DCDC1: variants seen among roughly 807,000 people sequenced by gnomAD.
DCDC1 encodes doublecortin domain-containing protein 1.
In DCDC1, 200 loss-of-function variants were observed where a neutral mutation model predicts 178.3. The observed-to-expected ratio is 1.12, with a 90% CI of 1.00 to 1.26. DCDC1 has a LOEUF of 1.26. Among genes scored for constraint, DCDC1 ranks in the 50% most tolerant of loss-of-function variants. The pLI is 0.00. For missense variants in DCDC1, 1,983 were observed against 1,749.2 expected, an observed-to-expected ratio of 1.13 and a Z score of -2.38; for synonymous variants, 690 against 604.8, an observed-to-expected ratio of 1.14 and a Z score of -2.07.
intron 38 of DCDC1, among the ~76,000 whole-genome samples, chr11:30,875,473 G>T (rs1942031144): frequency 6.6e-6 from 1 of 151,894 alleles, no homozygotes; most frequent in South Asian, 2.1e-4. Context: ...GAATAACGCA[G>T]ATTTGTGTGT....
intron 20 of DCDC1, among the ~76,000 whole-genome samples, chr11:30,990,926 A>C (rs1462558690): frequency 6.6e-6 from 1 of 152,202 alleles, no homozygotes; most frequent in Non-Finnish European, 1.5e-5. Context: ...AGTAGCCTTG[A>C]AATTATGCAA....
chr11:30,870,323 T>C (rs887729693), intron 38 of DCDC1, among the ~76,000 whole-genome samples: 2 of 152,060 alleles, frequency 1.3e-5, no homozygotes, highest in African/African-American at 2.4e-5. Context: ...GGGAGCTGGG[T>C]GTTATCTAAT....
chr11:30,961,056 T>G (rs1482087981), intron 20 of DCDC1, among the ~76,000 whole-genome samples: 2 of 152,090 alleles, frequency 1.3e-5, no homozygotes, highest in Non-Finnish European at 2.9e-5. Context: ...CATATCAATT[T>G]CAGAATGATT....
chr11:31,187,504 C>T (rs1439445761), intron 9 of DCDC1, among the ~76,000 whole-genome samples: 1 of 151,458 alleles, frequency 6.6e-6, no homozygotes, highest in Non-Finnish European at 1.5e-5. Context: ...AACAAACAAA[C>T]AAACAAAAAA....
intron 10 of DCDC1, among the ~76,000 whole-genome samples, chr11:31,131,579 A>G (rs527615488): frequency 1.3e-5 from 2 of 152,292 alleles, no homozygotes; most frequent in Admixed American, 1.3e-4. Context: ...CCTTGAAGCT[A>G]AAGACCAATA....
intron 34 of DCDC1, among the ~76,000 whole-genome samples, chr11:30,899,320 A>T (rs916769441): frequency 1.3e-5 from 2 of 152,102 alleles, no homozygotes; most frequent in Non-Finnish European, 2.9e-5. Flanking sequence ...AAGTCATTTG[A>T]TATTCATTTT....
At chr11:30,944,817 A>C (rs909909147) in intron 21 of DCDC1, among the ~76,000 whole-genome samples, 1 of 152,138 alleles carries the variant, frequency 6.6e-6, no homozygotes, top group African/African-American at 2.4e-5. Flanking sequence ...AGTAAGGGAC[A>C]GATTTTTGTT....
rs373949850 is a variant in DCDC1, at chr11:30,892,809, T to C, written c.5082+9A>G. 2.7e-4 allele frequency: 441 copies of C among 1,613,682 alleles called. No homozygotes were observed. Among genetic ancestry groups the C allele is most frequent in the Non-Finnish European group, 3.5e-4 (414 of 1,179,764 alleles). ...GGCCTATGAAACACTCCTTTCACAC[T>C]AGATTTACCTCTGAAATAGTTTTGC... On this transcript the variant is annotated intron_variant, in intron 36 of 38. Coordinates refer to ENST00000684477, the MANE Select transcript of DCDC1 (RefSeq NM_001387274.1).
intron 22 of DCDC1, among the ~76,000 whole-genome samples, chr11:30,927,890 C>T (rs1415359022): frequency 6.6e-6 from 1 of 152,070 alleles, no homozygotes; most frequent in Middle Eastern, 3.2e-3. Context: ...ATACCAAGTG[C>T]TCCAACCTTT....
chr11:31,004,917 T>A (rs781241606), intron 20 of DCDC1, among the ~76,000 whole-genome samples: 27 of 152,164 alleles, frequency 1.8e-4, no homozygotes, highest in Non-Finnish European at 3.5e-4. Context: ...AAGAATTGAA[T>A]GTATGATTGC....
intron 9 of DCDC1, among the ~76,000 whole-genome samples, chr11:31,228,031 G>A (rs1274866505): frequency 6.6e-6 from 1 of 151,950 alleles, no homozygotes; most frequent in Non-Finnish European, 1.5e-5. Flanking sequence ...GAACTGAAAG[G>A]AGGAATAGAC....
rs1290183923 is a variant in DCDC1 at position 31,307,833 on chromosome 11, GT to G, written c.239del (p.Asn80ThrfsTer35). 2 of 1,614,028 alleles carry G rather than the reference GT, an allele frequency of 1.2e-6. No homozygotes were observed. The highest frequency in any genetic ancestry group is 1.7e-5 in the Admixed American group (1 of 59,998). On this transcript the variant is annotated frameshift_variant, in exon 4 of 39. Coordinates refer to ENST00000684477, the MANE Select transcript of DCDC1 (RefSeq NM_001387274.1). LOFTEE classifies it high-confidence loss of function. ...DDYLQSQFGP[N>X]RLVHSAAVSE... ...ATACTGCTGCTGAATGCACGAGTCTGTTGGGGCCAAACTGAGACTGCAAATA... is the reference window on the plus strand; with the variant it reads ...ATACTGCTGCTGAATGCACGAGTCTGTGGGGCCAAACTGAGACTGCAAATA...
At position 31,091,434 on chromosome 11, in the gene DCDC1, C is replaced by G. The variant is rs569342252; in HGVS notation, c.2196G>C (p.Glu732Asp). ...ATTTATATCCTTCTAGTGATGTTCC[C>G]TCAGCAGCCTTGACTCTGATAGGAT... is the stretch of plus-strand genomic sequence containing the variant. ...IGHPIRVKAA[E>D]GTSLEGYKLI... Residue 732 changes from glutamate to aspartate, a missense_variant, in exon 17 of 39, where the codon GAG (glutamate) becomes GAC (aspartate). Transcript: ENST00000684477. 3 of 761,268 alleles carry G rather than the reference C, an allele frequency of 3.9e-6. No homozygotes were observed. Among genetic ancestry groups the G allele is most frequent in the East Asian group, 4.9e-5 (2 of 41,058 alleles). The allele number at this position is 761,268 out of a possible 1,614,324, so 47.2% of individuals were successfully genotyped here. A position where few individuals can be genotyped will look rare whatever the true frequency, so the allele number is the denominator to read the frequency against.
At chr11:31,089,587 T>C (rs1957681300) in intron 17 of DCDC1, among the ~76,000 whole-genome samples, 1 of 151,704 alleles carries the variant, frequency 6.6e-6, no homozygotes, top group Non-Finnish European at 1.5e-5. Flanking sequence ...TATGAAATTT[T>C]CTCACATCTC....
At chr11:31,223,456 G>C (rs1974524968) in intron 9 of DCDC1, among the ~76,000 whole-genome samples, 1 of 152,142 alleles carries the variant, frequency 6.6e-6, no homozygotes, top group African/African-American at 2.4e-5. Context: ...ACAATGATAT[G>C]CATACTGCAT....
intron 20 of DCDC1, among the ~76,000 whole-genome samples, chr11:31,014,851 C>A (rs1299882217): frequency 6.6e-6 from 1 of 152,136 alleles, no homozygotes; most frequent in African/African-American, 2.4e-5. Flanking sequence ...CACCAATATC[C>A]CAAAATTCCA....
At chr11:31,314,379 G>T (rs1282404560) in intron 3 of DCDC1, 1 of 151,974 alleles carries the variant, frequency 6.6e-6, no homozygotes, top group East Asian at 1.9e-4. Flanking sequence ...TCCATTATTA[G>T]TTGTACATCT....
chr11:31,092,724 A>T (rs1287100085), intron 16 of DCDC1, among the ~76,000 whole-genome samples: 11 of 152,168 alleles, frequency 7.2e-5, no homozygotes, highest in Non-Finnish European at 2.9e-5. Flanking sequence ...AGAATATGGG[A>T]TCTGAGAATG....
chr11:30,930,582 A>G (rs1946862764), intron 22 of DCDC1, among the ~76,000 whole-genome samples: 1 of 152,178 alleles, frequency 6.6e-6, no homozygotes, highest in South Asian at 2.1e-4. Flanking sequence ...CATTTCACAT[A>G]TTCTCTGCTA....
Sources: allele counts gnomAD v4.1 joint callset (sites outside exome capture counted in the v4.1 genomes callset), GRCh38; gene constraint gnomAD v4.1.1; transcripts MANE v1.5; gene names NCBI Gene and HGNC (gene_info 2026-07-23, HGNC 2026-07-21).